UMAD1: variants seen among roughly 807,000 people sequenced by gnomAD.
UMAD1 encodes the protein UBAP1-MVB12-associated (UMA)-domain containing protein 1.
UMAD1 carries 8 observed loss-of-function variants against 6.1 expected under a neutral mutation model. That is an observed-to-expected ratio of 1.30 (90% CI 0.76 to 2.35). UMAD1 has a LOEUF of 2.35. Ranked by LOEUF, UMAD1 falls within the 30% of genes most tolerant of loss-of-function variation. The pLI is 0.00. For missense variants in UMAD1, 130 were observed against 78.4 expected (o/e 1.66, Z -2.49); for synonymous variants, 56 against 31.4 (o/e 1.78, Z -2.61).
intron 3 of UMAD1, among the ~76,000 whole-genome samples, chr7:7,818,086 C>T (rs1783167631): frequency 1.3e-5 from 2 of 152,134 alleles, no homozygotes; most frequent in African/African-American, 4.8e-5. Flanking sequence ...TTATTTCACC[C>T]ATGTATTAAG....
chr7:7,668,454 T>C (rs1466001579), intron 1 of UMAD1, among the ~76,000 whole-genome samples: 2 of 152,214 alleles, frequency 1.3e-5, no homozygotes, highest in Non-Finnish European at 2.9e-5. Context: ...TATATATTGT[T>C]ATAGTTCTAT....
intron 1 of UMAD1, among the ~76,000 whole-genome samples, chr7:7,641,327 T>TGGCCAGTA: frequency 6.6e-6 from 1 of 152,300 alleles, no homozygotes; most frequent in Middle Eastern, 3.4e-3. Context: ...GAAGAACCAC[T>TGGCCAGTA]GGCCAGTACT....
At chr7:7,799,683 C>T (rs920432374) in intron 2 of UMAD1, among the ~76,000 whole-genome samples, 1 of 152,196 alleles carries the variant, frequency 6.6e-6, no homozygotes, top group Non-Finnish European at 1.5e-5. Context: ...ATTTGTATCA[C>T]CTTGTCCACT....
chr7:7,683,573 A>C (rs1779963702), intron 2 of UMAD1, among the ~76,000 whole-genome samples: 1 of 152,194 alleles, frequency 6.6e-6, no homozygotes, highest in Non-Finnish European at 1.5e-5. Flanking sequence ...TAAATAGAAA[A>C]AGAGCAGAAA....
chr7:7,782,828 C>T (rs1330200510), intron 2 of UMAD1, among the ~76,000 whole-genome samples: 4 of 148,774 alleles, frequency 2.7e-5, no homozygotes, highest in East Asian at 4.0e-4. Flanking sequence ...CCTCTGAGTT[C>T]GAGCGATTCT....
At chr7:7,778,275 T>TGTGTGAGAGA (rs1271237125) in intron 2 of UMAD1, among the ~76,000 whole-genome samples, 20 of 110,652 alleles carry the variant, frequency 1.8e-4, no homozygotes, top group East Asian at 1.0e-3. Flanking sequence ...TGTGTGTGTG[T>TGTGTGAGAGA]GAGAGAGAGA....
chr7:7,817,052 T>G (rs1783143976), intron 3 of UMAD1, among the ~76,000 whole-genome samples: 1 of 152,232 alleles, frequency 6.6e-6, no homozygotes, highest in African/African-American at 2.4e-5. Context: ...AGGTCTGTTC[T>G]GTGTCACCAT....
At chr7:7,786,701 C>G (rs1782468070) in intron 2 of UMAD1, among the ~76,000 whole-genome samples, 1 of 152,138 alleles carries the variant, frequency 6.6e-6, no homozygotes, top group African/African-American at 2.4e-5. Context: ...TTTGCTCTTG[C>G]CTTAGATTGA....
At chr7:7,725,664 C>T (rs1781125973) in intron 2 of UMAD1, among the ~76,000 whole-genome samples, 1 of 152,274 alleles carries the variant, frequency 6.6e-6, no homozygotes, top group East Asian at 1.9e-4. Flanking sequence ...TCATGCACAG[C>T]AGCATTCCAT....
chr7:7,812,170 G>A (rs1309955805), intron 3 of UMAD1, among the ~76,000 whole-genome samples: 5 of 152,188 alleles, frequency 3.3e-5, no homozygotes, highest in African/African-American at 1.2e-4. Context: ...GAAACATAAT[G>A]TTCATTCACC....
At chr7:7,698,275 A>G (rs1222107492) in intron 2 of UMAD1, among the ~76,000 whole-genome samples, 1 of 152,224 alleles carries the variant, frequency 6.6e-6, no homozygotes, top group Non-Finnish European at 1.5e-5. Flanking sequence ...ATTGCAAAAT[A>G]TAACAGTTCC....
At chr7:7,865,307 C>G (rs1034150706) in intron 3 of UMAD1, among the ~76,000 whole-genome samples, 2 of 152,036 alleles carry the variant, frequency 1.3e-5, no homozygotes, top group Admixed American at 1.3e-4. Flanking sequence ...AGGAAGTTAG[C>G]GTTGGAATTG....
intron 3 of UMAD1, among the ~76,000 whole-genome samples, chr7:7,857,557 A>G (rs1207731252): frequency 6.6e-6 from 1 of 152,254 alleles, no homozygotes; most frequent in Non-Finnish European, 1.5e-5. Flanking sequence ...AGTCGTCCTC[A>G]TGAACACAGG....
intron 3 of UMAD1, among the ~76,000 whole-genome samples, chr7:7,875,481 GAC>G (rs1211070151): frequency 1.3e-5 from 2 of 152,054 alleles, no homozygotes; most frequent in African/African-American, 4.8e-5. Context: ...GAATCAAATA[GAC>G]ACAATAAAAA....
chr7:7,722,094 G>A (rs1256634329), intron 2 of UMAD1, among the ~76,000 whole-genome samples: 4 of 151,308 alleles, frequency 2.6e-5, no homozygotes, highest in South Asian at 2.1e-4. Context: ...GCCTGCAGAC[G>A]GCCTATTGTG....
intron 3 of UMAD1, among the ~76,000 whole-genome samples, chr7:7,835,582 C>A (rs1583861216): frequency 7.2e-6 from 1 of 139,666 alleles, no homozygotes; most frequent in Non-Finnish European, 1.5e-5. Flanking sequence ...GGAAATTGTA[C>A]AATAAATAAA....
chr7:7,808,205 C>A (rs768630284), intron 3 of UMAD1, among the ~76,000 whole-genome samples: 1 of 151,944 alleles, frequency 6.6e-6, no homozygotes, highest in Non-Finnish European at 1.5e-5. Context: ...TTTCATTCTT[C>A]TTTTTTCCTT....
chr7:7,725,291 G>C (rs1048140372), intron 2 of UMAD1, among the ~76,000 whole-genome samples: 3 of 152,206 alleles, frequency 2.0e-5, no homozygotes, highest in African/African-American at 7.2e-5. Context: ...GCCAGTTTGA[G>C]TGGGGTCCAG....
At chr7:7,820,901 ATAAT>A (rs1783228381) in intron 3 of UMAD1, among the ~76,000 whole-genome samples, 2 of 152,196 alleles carry the variant, frequency 1.3e-5, no homozygotes. Context: ...GATTTGGCTG[ATAAT>A]TAGATCCTCA....
Sources: allele counts gnomAD v4.1 joint callset (sites outside exome capture counted in the v4.1 genomes callset), GRCh38; gene constraint gnomAD v4.1.1; transcripts MANE v1.5; gene names NCBI Gene and HGNC (gene_info 2026-07-23, HGNC 2026-07-21).